PRKG1: variants seen among roughly 807,000 people sequenced by gnomAD.
PRKG1 encodes the protein protein kinase cGMP-dependent 1.
PRKG1 carries 35 observed loss-of-function variants against 88.1 expected under a neutral mutation model. The observed-to-expected ratio is 0.40, with a 90% CI of 0.30 to 0.53. The LOEUF is 0.53. Among genes scored for constraint, PRKG1 ranks in the 20% least tolerant of loss-of-function variants. The pLI is 0.59. For synonymous variants in PRKG1, 303 were observed against 292.5 expected, an observed-to-expected ratio of 1.04 and a Z score of -0.37; for missense variants, 540 against 839.8, an observed-to-expected ratio of 0.64 and a Z score of 4.41.
chr10:51,348,608 G>T (rs1842167751), intron 2 of PRKG1, among the ~76,000 whole-genome samples: 1 of 152,166 alleles, frequency 6.6e-6, no homozygotes, highest in African/African-American at 2.4e-5. Context: ...TTACCAGATT[G>T]TCTCTCTTAG....
chr10:51,449,767 A>C (rs1395486017), intron 2 of PRKG1, among the ~76,000 whole-genome samples: 1 of 146,994 alleles, frequency 6.8e-6, no homozygotes, highest in Non-Finnish European at 1.5e-5. Context: ...TTTGTGACTA[A>C]AATACAATAT....
intron 5 of PRKG1, among the ~76,000 whole-genome samples, chr10:51,943,018 C>T (rs1842944651): frequency 6.6e-6 from 1 of 151,930 alleles, no homozygotes; most frequent in South Asian, 2.1e-4. Flanking sequence ...ATGGGGATGG[C>T]ATTGAATCTA....
At chr10:51,099,874 C>T (rs1178988728) in intron 1 of PRKG1, among the ~76,000 whole-genome samples, 2 of 152,076 alleles carry the variant, frequency 1.3e-5, no homozygotes, top group Admixed American at 6.6e-5. Flanking sequence ...AAGAAAACTT[C>T]GTGCCTTCAG....
chr10:51,272,361 T>G (rs866093419), intron 2 of PRKG1, among the ~76,000 whole-genome samples: 148 of 129,676 alleles, frequency 1.1e-3, no homozygotes, highest in African/African-American at 5.8e-3. Flanking sequence ...TATCGTGGGG[T>G]GGGGGGCTAG....
chr10:52,017,373 C>G (rs1311439088), intron 5 of PRKG1, among the ~76,000 whole-genome samples: 1 of 151,990 alleles, frequency 6.6e-6, no homozygotes, highest in Non-Finnish European at 1.5e-5. Flanking sequence ...TGAACAGGTG[C>G]ATTATGATGA....
chr10:51,663,788 A>T (rs1793089338), intron 3 of PRKG1, among the ~76,000 whole-genome samples: 2 of 151,782 alleles, frequency 1.3e-5, no homozygotes, highest in South Asian at 4.1e-4. Flanking sequence ...AACTGCAGAA[A>T]CTTAGAGAGA....
At chr10:52,006,518 G>A (rs1844740126) in intron 5 of PRKG1, among the ~76,000 whole-genome samples, 2 of 152,070 alleles carry the variant, frequency 1.3e-5, no homozygotes, top group Admixed American at 6.6e-5. Context: ...ACCAGGCTGA[G>A]GAAAAAATTT....
At chr10:52,164,120 G>C (rs1322472306) in intron 9 of PRKG1, among the ~76,000 whole-genome samples, 4 of 152,066 alleles carry the variant, frequency 2.6e-5, no homozygotes, top group Non-Finnish European at 5.9e-5. Flanking sequence ...GGAGGTCAAG[G>C]GGGGAAGATC....
At chr10:51,099,340 G>A (rs1844620818) in intron 1 of PRKG1, among the ~76,000 whole-genome samples, 2 of 150,588 alleles carry the variant, frequency 1.3e-5, no homozygotes, top group South Asian at 2.1e-4. Flanking sequence ...CATGGCTGTA[G>A]GTGGTTGTAT....
chr10:52,191,599 A>C (rs2132754982), intron 9 of PRKG1, among the ~76,000 whole-genome samples: 1 of 152,330 alleles, frequency 6.6e-6, no homozygotes, highest in East Asian at 1.9e-4. Context: ...ATGATTGATT[A>C]GACTTGTTTT....
intron 2 of PRKG1, among the ~76,000 whole-genome samples, chr10:51,396,026 G>T (rs1258505241): frequency 6.6e-6 from 1 of 152,030 alleles, no homozygotes; most frequent in African/African-American, 2.4e-5. Flanking sequence ...ATTATATTAT[G>T]TACATAACAC....
intron 5 of PRKG1, among the ~76,000 whole-genome samples, chr10:51,964,858 C>T (rs1352972913): frequency 1.3e-5 from 2 of 152,144 alleles, no homozygotes; most frequent in African/African-American, 2.4e-5. Context: ...ACCTGAGTGT[C>T]CTACAATGGC....
chr10:52,033,847 G>T (rs1413388386), intron 5 of PRKG1, among the ~76,000 whole-genome samples: 1 of 151,974 alleles, frequency 6.6e-6, no homozygotes, highest in Non-Finnish European at 1.5e-5. Context: ...GACTGAGTCC[G>T]AAAAGAGAGT....
At chr10:51,270,206 CCTTA>C (rs1290608196) in intron 2 of PRKG1, among the ~76,000 whole-genome samples, 1 of 152,062 alleles carries the variant, frequency 6.6e-6, no homozygotes, top group Non-Finnish European at 1.5e-5. Context: ...TGTATTCATG[CCTTA>C]CTTTGTATCA....
intron 2 of PRKG1, among the ~76,000 whole-genome samples, chr10:51,390,693 C>T (rs1455303609): frequency 6.6e-6 from 1 of 152,164 alleles, no homozygotes; most frequent in Non-Finnish European, 1.5e-5. Context: ...CAACAGGTAA[C>T]ACCAACTGAA....
chr10:51,466,533 A>G (rs1299750705), intron 2 of PRKG1, among the ~76,000 whole-genome samples: 2 of 151,998 alleles, frequency 1.3e-5, no homozygotes, highest in African/African-American at 4.8e-5. Context: ...TGAAGGGTGA[A>G]TCACGTACCA....
intron 2 of PRKG1, among the ~76,000 whole-genome samples, chr10:51,159,583 T>G (rs976245778): frequency 1.3e-5 from 2 of 152,156 alleles, no homozygotes; most frequent in African/African-American, 4.8e-5. Flanking sequence ...GCACTAAATG[T>G]GAATATTAAA....
chr10:52,141,845 C>T (rs1437731263), intron 8 of PRKG1, among the ~76,000 whole-genome samples: 3 of 152,074 alleles, frequency 2.0e-5, no homozygotes, highest in African/African-American at 4.8e-5. Context: ...GCTTACCAAG[C>T]GTTTTTTAGA....
At chr10:51,658,079 A>G (rs181243537) in intron 3 of PRKG1, among the ~76,000 whole-genome samples, 1 of 152,192 alleles carries the variant, frequency 6.6e-6, no homozygotes, top group Non-Finnish European at 1.5e-5. Context: ...TGGATTAAAA[A>G]GAAACATGAG....
Sources: allele counts gnomAD v4.1 joint callset (sites outside exome capture counted in the v4.1 genomes callset), GRCh38; gene constraint gnomAD v4.1.1; transcripts MANE v1.5; gene names NCBI Gene and HGNC (gene_info 2026-07-23, HGNC 2026-07-21).